The following NTNG1 variants were observed in gnomAD, a reference collection of about 807,000 sequenced individuals.
NTNG1 encodes the protein netrin-G1.
A neutral mutation model predicts 54.0 loss-of-function variants in NTNG1; 16 were observed. That is an observed-to-expected ratio of 0.30 (90% CI 0.20 to 0.45). NTNG1 has a LOEUF of 0.45. NTNG1 is among the 20% of genes least tolerant of loss of function. The probability of loss-of-function intolerance (pLI) is 1.00; values close to 1 mark genes in which losing one functional copy is unlikely to be tolerated. For missense variants in NTNG1, 530 were observed against 678.7 expected, an observed-to-expected ratio of 0.78 and a Z score of 2.43; for synonymous variants, 255 against 263.1, an observed-to-expected ratio of 0.97 and a Z score of 0.30.
At chr1:107,204,997 C>G (rs1213856661) in intron 2 of NTNG1, among the ~76,000 whole-genome samples, 4 of 152,118 alleles carry the variant, frequency 2.6e-5, no homozygotes, top group Non-Finnish European at 5.9e-5. Flanking sequence ...CCACTATCAT[C>G]CCTTCCCTCT....
intron 2 of NTNG1, among the ~76,000 whole-genome samples, chr1:107,192,676 A>C (rs1658050759): frequency 6.6e-6 from 1 of 152,046 alleles, no homozygotes; most frequent in African/African-American, 2.4e-5. Flanking sequence ...AAATGTGTAC[A>C]TAGTTTAAAA....
chr1:107,432,311 A>G (rs1370858139), intron 6 of NTNG1, among the ~76,000 whole-genome samples: 2 of 152,212 alleles, frequency 1.3e-5, no homozygotes, highest in African/African-American at 4.8e-5. Context: ...TAAGTATTAC[A>G]CTAATTGTTT....
At chr1:107,268,204 CA>C (rs1188218655) in intron 2 of NTNG1, among the ~76,000 whole-genome samples, 1 of 152,182 alleles carries the variant, frequency 6.6e-6, no homozygotes, top group Non-Finnish European at 1.5e-5. Context: ...CTTCTGTTTA[CA>C]ACAAAACTCC....
Position 107,301,612 on chromosome 1 carries a change from G to T in NTNG1, c.247-22670G>T, listed in dbSNP as rs543601624. On this transcript the variant is annotated intron_variant, in intron 2 of 7. Transcript: ENST00000370068. ...CATATCCTAATAAGAAATTTTAAAGGATGAGATAACAAAAGTAGAAATAGA... is the reference window on the plus strand; with the variant it reads ...CATATCCTAATAAGAAATTTTAAAGTATGAGATAACAAAAGTAGAAATAGA... 2.5e-4 allele frequency among the ~76,000 whole-genome samples: 38 copies of T among 152,118 alleles called. No individual in the cohort carries two copies. The South Asian group carries it at 7.3e-3, about 29-fold the overall frequency.
chr1:107,366,768 C>T (rs114010356), intron 3 of NTNG1, among the ~76,000 whole-genome samples: 1,785 of 152,208 alleles, frequency 0.012, 25 homozygotes, highest in African/African-American at 0.04. Flanking sequence ...TTTATGTTTT[C>T]TTCTGAAAAA....
chr1:107,264,032 T>C (rs544765883), intron 2 of NTNG1, among the ~76,000 whole-genome samples: 1 of 152,226 alleles, frequency 6.6e-6, no homozygotes, highest in Non-Finnish European at 1.5e-5. Context: ...ACCTTGTATT[T>C]GACAGATGTC....
At chr1:107,390,035 G>GT (rs1301781638) in intron 3 of NTNG1, among the ~76,000 whole-genome samples, 11 of 151,730 alleles carry the variant, frequency 7.2e-5, no homozygotes, top group African/African-American at 2.4e-4. Context: ...TTGTTTTTTT[G>GT]TTTTTTTTCT....
At chr1:107,222,058 T>A (rs1354244803) in intron 2 of NTNG1, among the ~76,000 whole-genome samples, 2 of 152,038 alleles carry the variant, frequency 1.3e-5, no homozygotes, top group Non-Finnish European at 2.9e-5. Context: ...TGTTGTTGTG[T>A]CTGCTTTGAA....
chr1:107,211,726 GT>G (rs1328379075), intron 2 of NTNG1, among the ~76,000 whole-genome samples: 6 of 152,136 alleles, frequency 3.9e-5, no homozygotes, highest in African/African-American at 1.4e-4. Flanking sequence ...GTCTGAGCCA[GT>G]ACATTTTATG....
chr1:107,286,438 T>A (rs932652508), intron 2 of NTNG1, among the ~76,000 whole-genome samples: 3 of 152,108 alleles, frequency 2.0e-5, no homozygotes, highest in Non-Finnish European at 4.4e-5. Context: ...CAAGGAAAAA[T>A]TAGTAAACTG....
At chr1:107,456,572 A>T (rs1006637605) in intron 7 of NTNG1, among the ~76,000 whole-genome samples, 6 of 152,208 alleles carry the variant, frequency 3.9e-5, no homozygotes, top group African/African-American at 1.4e-4. Context: ...CTGCTCGCTT[A>T]TCAATACTCC....
intron 3 of NTNG1, among the ~76,000 whole-genome samples, chr1:107,339,405 A>C (rs1246004533): frequency 6.6e-6 from 1 of 152,128 alleles, no homozygotes; most frequent in Non-Finnish European, 1.5e-5. Flanking sequence ...AATAGAATTT[A>C]AAATATAAAG....
chr1:107,253,338 G>T (rs1280888576), intron 2 of NTNG1, among the ~76,000 whole-genome samples: 1 of 152,182 alleles, frequency 6.6e-6, no homozygotes, highest in Non-Finnish European at 1.5e-5. Context: ...ATAAGGTGAA[G>T]TTCAATGATA....
At chr1:107,453,665 G>A (rs1676757554) in intron 7 of NTNG1, among the ~76,000 whole-genome samples, 1 of 152,186 alleles carries the variant, frequency 6.6e-6, no homozygotes, top group East Asian at 1.9e-4. Context: ...GAGGAAAGTG[G>A]ATGCCATGTA....
At chr1:107,307,026 T>C (rs1666734226) in intron 2 of NTNG1, among the ~76,000 whole-genome samples, 1 of 152,208 alleles carries the variant, frequency 6.6e-6, no homozygotes, top group African/African-American at 2.4e-5. Flanking sequence ...GAATTCTGTG[T>C]TAGCTGGCAA....
At chr1:107,299,102 G>A (rs908853951) in intron 2 of NTNG1, among the ~76,000 whole-genome samples, 1 of 152,132 alleles carries the variant, frequency 6.6e-6, no homozygotes, top group Non-Finnish European at 1.5e-5. Context: ...GAAGAAAGCA[G>A]GGAGAAAGCA....
At chr1:107,451,519 C>T (rs1676626645) in intron 7 of NTNG1, among the ~76,000 whole-genome samples, 1 of 152,150 alleles carries the variant, frequency 6.6e-6, no homozygotes, top group Non-Finnish European at 1.5e-5. Flanking sequence ...TGCATGGACT[C>T]ATTGTCAGGG....
At chr1:107,440,220 G>T (rs1675882451) in intron 7 of NTNG1, among the ~76,000 whole-genome samples, 1 of 152,130 alleles carries the variant, frequency 6.6e-6, no homozygotes, top group Admixed American at 6.5e-5. Context: ...CCTCCCAGAG[G>T]ATTGTCAAAA....
chr1:107,478,333 A>G (rs1678465749), intron 7 of NTNG1, among the ~76,000 whole-genome samples: 1 of 152,188 alleles, frequency 6.6e-6, no homozygotes, highest in Non-Finnish European at 1.5e-5. Flanking sequence ...CAGAAAATAT[A>G]TCCTGCCAAT....
Sources: allele counts gnomAD v4.1 joint callset (sites outside exome capture counted in the v4.1 genomes callset), GRCh38; gene constraint gnomAD v4.1.1; transcripts MANE v1.5; gene names NCBI Gene and HGNC (gene_info 2026-07-23, HGNC 2026-07-21).